BEST3: variants seen among roughly 807,000 people sequenced by gnomAD.
The protein encoded by BEST3 is bestrophin-3.
Under a neutral mutation model 47.1 loss-of-function variants are expected in BEST3, and 50 were observed. The ratio of observed to expected loss-of-function variants is 1.06; its 90% CI spans 0.85 to 1.34. BEST3 has a LOEUF of 1.34. BEST3 is among the 40% of genes most tolerant of loss of function. BEST3 has a pLI of 0.00. For missense variants in BEST3, 765 were observed against 817.0 expected, an observed-to-expected ratio of 0.94 and a Z score of 0.78; for synonymous variants, 282 against 298.8, an observed-to-expected ratio of 0.94 and a Z score of 0.58.
At chr12:69,643,884 A>T (rs533188685) in intron 9 of BEST3, 1 of 541,774 alleles carries the variant, frequency 1.8e-6, no homozygotes, top group Admixed American at 3.2e-5. Flanking sequence ...GAATTCACAT[A>T]GGCCACCACA....
chr12:69,659,711 C>T (rs1269023340), intron 9 of BEST3, among the ~76,000 whole-genome samples: 1 of 4,994 alleles, frequency 2.0e-4, no homozygotes, highest in East Asian at 0.083. Flanking sequence ...ATTTTAGTTT[C>T]TTTTATTTTT....
intron 2 of BEST3, among the ~76,000 whole-genome samples, chr12:69,696,168 A>T (rs1057155482): frequency 6.6e-6 from 1 of 152,180 alleles, no homozygotes; most frequent in Non-Finnish European, 1.5e-5. Flanking sequence ...AGATAGAAAG[A>T]TCTATTTTAA....
At chr12:69,681,180 GT>G (rs34494668) in intron 4 of BEST3, among the ~76,000 whole-genome samples, 214 of 151,282 alleles carry the variant, frequency 1.4e-3, no homozygotes, top group African/African-American at 4.9e-3. Context: ...TAATTTTTGA[GT>G]TTTTTTTTCT....
At chr12:69,650,885 A>G (rs1048626502), downstream of BEST3, among the ~76,000 whole-genome samples, 1 of 151,284 alleles carries the variant, frequency 6.6e-6, no homozygotes, top group Non-Finnish European at 1.5e-5. Flanking sequence ...ATATGAAAGG[A>G]AAAAAAAACC....
At position 69,667,976 on chromosome 12, in the gene BEST3, T is replaced by C. The variant is rs191681696; in HGVS notation, c.1100+3452A>G. Among the ~76,000 whole-genome samples the C allele has an allele frequency of 9.5e-4, 144 of 152,280 alleles. 1 individual carries two copies. The highest frequency in any genetic ancestry group is 1.9e-3 in the Non-Finnish European group (126 of 68,008). On this transcript the variant is annotated intron_variant, in intron 9 of 9. Transcript: ENST00000330891. ...ATTTATTTGAGTTATATATATTTGG[T>C]AAATATGCAGAAAATAGGGCCATGT...
At chr12:69,697,972 C>T (rs1012379132) in intron 1 of BEST3, among the ~76,000 whole-genome samples, 159 bp from the exon 2 acceptor site, 3 of 152,150 alleles carry the variant, frequency 2.0e-5, no homozygotes, top group Non-Finnish European at 4.4e-5. Flanking sequence ...TTCAGATAAC[C>T]ATTATCTCAG....
intron 4 of BEST3, among the ~76,000 whole-genome samples, chr12:69,686,629 G>A (rs1450486965): frequency 3.3e-5 from 5 of 151,850 alleles, no homozygotes; most frequent in Non-Finnish European, 2.9e-5. Context: ...AAAATTAGCC[G>A]GGTGTGGTGG....
chr12:69,670,465 G>C (rs1447097168), intron 9 of BEST3: 1 of 702,808 alleles, frequency 1.4e-6, no homozygotes, highest in Non-Finnish European at 2.6e-6. Context: ...CTTTTCTTTG[G>C]GTCTGGAAAG....
Position 69,655,058 on chromosome 12 carries a change from A to C in BEST3, c.1856T>G (p.Ile619Ser). The stretch of plus-strand genomic sequence containing the variant: ...GATCTCTGAGGATGTTTCTGTGTCA[A>C]TTAAAAGAGCTGGCTGAGAGCTCAT... ...DPMSSQPALL[I>S]DTETSSEISG... The change falls in exon 10 of 10, where the codon ATT becomes AGT. Residue 619 changes from isoleucine to serine, a missense_variant. Physicochemically the swap from Ile to Ser is moderately radical, Grantham distance 142. Transcript: ENST00000330891. 6.2e-7 allele frequency: 1 copy of C among 1,614,194 alleles called. No individual in the cohort carries two copies. Among genetic ancestry groups the C allele is most frequent in the Non-Finnish European group, 8.5e-7 (1 of 1,180,024 alleles).
intron 7 of BEST3, among the ~76,000 whole-genome samples, chr12:69,676,419 T>TTA (rs1555206255): frequency 2.1e-5 from 3 of 141,862 alleles, no homozygotes; most frequent in Non-Finnish European, 4.6e-5. Context: ...TCAGGGAAAG[T>TTA]AAAAAAAAAA....
chr12:69,657,988 A>G (rs1022116740), intron 9 of BEST3, among the ~76,000 whole-genome samples: 1 of 151,954 alleles, frequency 6.6e-6, no homozygotes, highest in Non-Finnish European at 1.5e-5. Context: ...TGCTGGGTGG[A>G]TTGCATTTGG....
At position 69,693,913 on chromosome 12, in the gene BEST3, G is replaced by C. The variant is rs1886032287; in HGVS notation, c.248-6C>G. 1 of 1,577,158 alleles carries C rather than the reference G, an allele frequency of 6.3e-7. No individual in the cohort carries two copies. The highest frequency in any genetic ancestry group is 1.3e-5 in the African/African-American group (1 of 74,286). On this transcript the variant is annotated splice_polypyrimidine_tract_variant and splice_region_variant and intron_variant, in intron 3 of 9. Transcript: ENST00000330891. Reference sequence around the variant, plus strand: ...TACCAGAGTAACATAAAACCCTGTAGAATAACAGGAAATTATAAAGCAGTT... The same window carrying C: ...TACCAGAGTAACATAAAACCCTGTACAATAACAGGAAATTATAAAGCAGTT...
chr12:69,683,764 G>T (rs1215713234), intron 4 of BEST3: 1 of 152,180 alleles, frequency 6.6e-6, no homozygotes, highest in Non-Finnish European at 1.5e-5. Flanking sequence ...TGTGTCACGG[G>T]TGCACATCCT....
At chr12:69,652,877 G>T (rs188306661), downstream of BEST3, among the ~76,000 whole-genome samples, 634 of 152,328 alleles carry the variant, frequency 4.2e-3, 4 homozygotes, top group African/African-American at 0.015. Context: ...CTGCCTTCTA[G>T]AAGTGTTATA....
Position 69,693,775 on chromosome 12 carries a change from G to A in BEST3, c.380C>T (p.Thr127Met), listed in dbSNP as rs766338045. The A allele has an allele frequency of 3.1e-6, 5 of 1,614,054 alleles. No homozygotes were observed. The highest frequency in any genetic ancestry group is 4.2e-6 in the Non-Finnish European group (5 of 1,180,034). ...GGTGAGATTGACGTAGCGCATCAGCGTCCTTCTAAGCAGGCGCCCGTGCTC... is the reference window on the plus strand; with the variant it reads ...GGTGAGATTGACGTAGCGCATCAGCATCCTTCTAAGCAGGCGCCCGTGCTC... ...SDEHGRLLRR[T>M]LMRYVNLTSL... is the part of the protein sequence containing the mutation. The change falls in exon 4 of 10, where the codon ACG becomes ATG. Residue 127 changes from threonine to methionine, a missense_variant. Coordinates refer to ENST00000330891, the MANE Select transcript of BEST3 (RefSeq NM_032735.3).
At chr12:69,689,432 G>A (rs1885823026) in intron 4 of BEST3, among the ~76,000 whole-genome samples, 1 of 152,158 alleles carries the variant, frequency 6.6e-6, no homozygotes, top group South Asian at 2.1e-4. Context: ...CACAATGCTT[G>A]CGTATAGTAT....
Position 69,697,685 on chromosome 12 carries a change from A to G in BEST3, c.114T>C (p.Val38=), listed in dbSNP as rs778737871. ...IYKLLYREFI[V]FAVLYTAISL... ...TTATTGCTGTATAAAGAACAGCAAAAACAATAAATTCCCTGTACAGTAGTT... is the reference window on the plus strand; with the variant it reads ...TTATTGCTGTATAAAGAACAGCAAAGACAATAAATTCCCTGTACAGTAGTT... The change falls in exon 2 of 10, where the codon GTT becomes GTC. Residue 38 remains valine (V), a synonymous_variant. Coordinates refer to ENST00000330891, the MANE Select transcript of BEST3 (RefSeq NM_032735.3). 1.9e-6 allele frequency: 3 copies of G among 1,609,752 alleles called. No individual in the cohort carries two copies. Among genetic ancestry groups the G allele is most frequent in the Non-Finnish European group, 2.5e-6 (3 of 1,178,258 alleles).
At chr12:69,653,211 G>C (rs1020517751), downstream of BEST3, among the ~76,000 whole-genome samples, 1 of 152,200 alleles carries the variant, frequency 6.6e-6, no homozygotes, top group South Asian at 2.1e-4. Flanking sequence ...CTCCAAGCTG[G>C]AGCAATGCCC....
Position 69,672,855 on chromosome 12 carries a change from A to G in BEST3, c.948+30T>C, listed in dbSNP as rs1884664074. On this transcript the variant is annotated intron_variant, in intron 8 of 9. Coordinates refer to ENST00000330891, the MANE Select transcript of BEST3 (RefSeq NM_032735.3). ...ATATCGCAAGTGATTTATTATTAAC[A>G]TTTGAAAAAGAAAGAAAAATTCCTC... 4.0e-6 allele frequency: 6 copies of G among 1,505,820 alleles called. No individual in the cohort carries two copies. The Middle Eastern group carries it at 6.9e-4, about 172-fold the overall frequency. The allele number at this position is 1,505,820 out of a possible 1,614,324, so 93.3% of individuals were successfully genotyped here.
Sources: allele counts gnomAD v4.1 joint callset (sites outside exome capture counted in the v4.1 genomes callset), GRCh38; gene constraint gnomAD v4.1.1; transcripts MANE v1.5; gene names NCBI Gene and HGNC (gene_info 2026-07-23, HGNC 2026-07-21).